The following SPATA16 variants were observed in gnomAD, a reference collection of about 807,000 sequenced individuals.
SPATA16 encodes spermatogenesis-associated protein 16.
SPATA16 carries 36 observed loss-of-function variants against 63.3 expected under a neutral mutation model. The observed-to-expected ratio is 0.57, with a 90% CI of 0.44 to 0.75. The LOEUF (loss-of-function observed/expected upper bound fraction) is 0.75, where lower values mean the gene tolerates loss of function less well. SPATA16 is among the 30% of genes least tolerant of loss of function. The pLI is 0.00. For synonymous variants in SPATA16, 203 were observed against 216.7 expected (o/e 0.94, Z 0.56); for missense variants, 646 against 679.3 (o/e 0.95, Z 0.54).
chr3:173,023,842 T>A (rs116058501), intron 3 of SPATA16, among the ~76,000 whole-genome samples: 2,609 of 151,642 alleles, frequency 0.017, 71 homozygotes, highest in African/African-American at 0.058. Flanking sequence ...TATTCACATA[T>A]CTATGTATAT....
intron 1 of SPATA16, among the ~76,000 whole-genome samples, chr3:173,120,300 T>G (rs1391569086): frequency 6.6e-6 from 1 of 152,206 alleles, no homozygotes; most frequent in African/African-American, 2.4e-5. Flanking sequence ...CTCTGTTGAA[T>G]GAACACTCCG....
intron 6 of SPATA16, among the ~76,000 whole-genome samples, chr3:172,944,587 C>T (rs777924208): frequency 3.3e-5 from 5 of 152,106 alleles, no homozygotes; most frequent in African/African-American, 7.2e-5. Flanking sequence ...GTGGAAGCAC[C>T]GAGTTTTTCT....
intron 3 of SPATA16, among the ~76,000 whole-genome samples, chr3:173,048,250 T>C (rs1736001036): frequency 6.6e-6 from 1 of 151,916 alleles, no homozygotes; most frequent in Non-Finnish European, 1.5e-5. Context: ...AAGGAAAGCG[T>C]TTGTTGAAAG....
chr3:173,140,713 A>G (rs1738689403), intron 1 of SPATA16, among the ~76,000 whole-genome samples: 1 of 152,222 alleles, frequency 6.6e-6, no homozygotes, highest in African/African-American at 2.4e-5. Flanking sequence ...ACTTGACTAC[A>G]AGAAGATGTC....
At chr3:173,055,901 G>T (rs1736211465) in intron 2 of SPATA16, among the ~76,000 whole-genome samples, 1 of 152,088 alleles carries the variant, frequency 6.6e-6, no homozygotes, top group Admixed American at 6.5e-5. Flanking sequence ...CTATCTTAAA[G>T]TAAAATTTAA....
intron 4 of SPATA16, among the ~76,000 whole-genome samples, chr3:172,988,690 G>T (rs867235166): frequency 6.6e-6 from 1 of 152,202 alleles, no homozygotes; most frequent in African/African-American, 2.4e-5. Context: ...TCACCTAGGT[G>T]CAATGGTGTG....
At chr3:173,019,627 T>G in intron 3 of SPATA16, 52 bp from the exon 4 acceptor site, 2 of 1,491,102 alleles carry the variant, frequency 1.3e-6, no homozygotes, top group Non-Finnish European at 1.9e-6. Context: ...AAAAGACAAT[T>G]ACCACAAGTG....
At chr3:173,000,142 C>A (rs936487815) in intron 4 of SPATA16, among the ~76,000 whole-genome samples, 2 of 152,100 alleles carry the variant, frequency 1.3e-5, no homozygotes, top group African/African-American at 4.8e-5. Flanking sequence ...TATAAAAGGG[C>A]TTGAGGGAGA....
intron 4 of SPATA16, among the ~76,000 whole-genome samples, chr3:173,009,993 G>A (rs1371735180): frequency 6.6e-6 from 1 of 152,082 alleles, no homozygotes; most frequent in East Asian, 1.9e-4. Flanking sequence ...CACTCCAAGT[G>A]ATGAGTAGGC....
intron 10 of SPATA16, among the ~76,000 whole-genome samples, chr3:172,901,331 C>T (rs1732122626): frequency 6.6e-6 from 1 of 152,188 alleles, no homozygotes; most frequent in African/African-American, 2.4e-5. Flanking sequence ...TCCTGAATAG[C>T]TGGGACTACA....
chr3:172,892,812 C>A (rs1198564476), intron 10 of SPATA16, among the ~76,000 whole-genome samples: 1 of 152,214 alleles, frequency 6.6e-6, no homozygotes. Flanking sequence ...GGTACAGAAT[C>A]TACTTGCTTA....
At chr3:172,951,590 C>T (rs6801485) in intron 6 of SPATA16, among the ~76,000 whole-genome samples, 2,041 of 152,208 alleles carry the variant, frequency 0.013, 72 homozygotes, top group Admixed American at 0.09. Context: ...ATATCCCTGA[C>T]AAGGGTGACT....
intron 10 of SPATA16, among the ~76,000 whole-genome samples, chr3:172,908,978 C>G (rs1390868304): frequency 6.6e-6 from 1 of 152,222 alleles, no homozygotes; most frequent in Non-Finnish European, 1.5e-5. Context: ...ATTAAAAGCC[C>G]TTGGGAAAAA....
In SPATA16 at chr3:173,011,078, G is replaced by A. The variant is rs1314545930; in HGVS notation, c.848+8408C>T. Among the ~76,000 whole-genome samples, 5 of 152,204 alleles carry A rather than the reference G, an allele frequency of 3.3e-5. 1 individual carries two copies. The South Asian group carries it at 8.3e-4, about 25-fold the overall frequency. ...TCAAGGAGGAGGGACTTCTCTCTAA[G>A]TTATTCTACAAAACCAGCATCATCC... On this transcript the variant is annotated intron_variant, in intron 4 of 10. Transcript: ENST00000351008.
At chr3:172,971,508 G>A (rs114952787) in intron 5 of SPATA16, among the ~76,000 whole-genome samples, 117 of 152,278 alleles carry the variant, frequency 7.7e-4, no homozygotes, top group African/African-American at 2.7e-3. Flanking sequence ...TACAATTTAA[G>A]TACCTTATAG....
chr3:172,896,370 G>A (rs1014788488), intron 10 of SPATA16, among the ~76,000 whole-genome samples: 3 of 152,046 alleles, frequency 2.0e-5, no homozygotes, highest in African/African-American at 7.2e-5. Flanking sequence ...ATAGGTGCCC[G>A]CCACCACGCC....
At chr3:173,030,573 T>C (rs79688073) in intron 3 of SPATA16, among the ~76,000 whole-genome samples, 4,440 of 151,954 alleles carry the variant, frequency 0.029, 226 homozygotes, top group African/African-American at 0.1. Context: ...AAATCAGAAA[T>C]AAAAAAGTGT....
At chr3:172,989,802 C>A (rs78382590) in intron 4 of SPATA16, among the ~76,000 whole-genome samples, 6,115 of 152,206 alleles carry the variant, frequency 0.04, 422 homozygotes, top group African/African-American at 0.14. Context: ...GTTTATACCC[C>A]AATAGGCTTA....
At position 172,891,002 on chromosome 3, in the gene SPATA16, A is replaced by G. The variant is rs139162624; in HGVS notation, c.1588-1310T>C. Among the ~76,000 whole-genome samples the G allele has an allele frequency of 1.3e-3, 191 of 150,210 alleles. 1 individual carries two copies. Among genetic ancestry groups the G allele is most frequent in the African/African-American group, 4.4e-3 (183 of 41,220 alleles). On this transcript the variant is annotated intron_variant, in intron 10 of 10. Transcript: ENST00000351008. Reference sequence around the variant, plus strand: ...TATGTGTATATATATATACACGCACACACATACACATATACACTATCTGAT... The same window carrying G: ...TATGTGTATATATATATACACGCACGCACATACACATATACACTATCTGAT...
Sources: allele counts gnomAD v4.1 joint callset (sites outside exome capture counted in the v4.1 genomes callset), GRCh38; gene constraint gnomAD v4.1.1; transcripts MANE v1.5; gene names NCBI Gene and HGNC (gene_info 2026-07-23, HGNC 2026-07-21).